Variants in DIAPH3 observed in about 807,000 individuals in gnomAD.
DIAPH3 encodes protein diaphanous homolog 3.
In DIAPH3, 117 loss-of-function variants were observed where a neutral mutation model predicts 144.3. That is an observed-to-expected ratio of 0.81 (90% CI 0.70 to 0.95). DIAPH3 has a LOEUF of 0.95. DIAPH3 is among the 40% of genes least tolerant of loss of function. DIAPH3 has a pLI of 0.00. For missense variants in DIAPH3, 1,421 were observed against 1,412.7 expected (o/e 1.01, Z -0.09); for synonymous variants, 519 against 488.9 (o/e 1.06, Z -0.81).
chr13:59,725,111 T>G (rs145754614), intron 27 of DIAPH3, among the ~76,000 whole-genome samples: 33 of 152,356 alleles, frequency 2.2e-4, no homozygotes, highest in African/African-American at 6.7e-4. Context: ...ATTTGCAGCA[T>G]AGCTAAGTTT....
intron 4 of DIAPH3, among the ~76,000 whole-genome samples, chr13:60,084,059 T>A (rs373133498): frequency 8.3e-4 from 121 of 145,634 alleles, no homozygotes; most frequent in Middle Eastern, 3.6e-3. Flanking sequence ...GATAGATAGA[T>A]AGAAAGAATA....
chr13:59,932,337 T>C (rs1047533664), intron 17 of DIAPH3, among the ~76,000 whole-genome samples: 5 of 152,250 alleles, frequency 3.3e-5, no homozygotes, highest in African/African-American at 1.2e-4. Context: ...CTGAAGGCTT[T>C]CTGTTTCCGT....
chr13:60,094,182 C>T (rs1193300241), intron 3 of DIAPH3, among the ~76,000 whole-genome samples: 1 of 152,178 alleles, frequency 6.6e-6, no homozygotes, highest in African/African-American at 2.4e-5. Flanking sequence ...CTGATAGCCA[C>T]ATCAAATATC....
intron 23 of DIAPH3, 112 bp downstream of exon 23, chr13:59,839,212 G>T: frequency 7.4e-7 from 1 of 1,344,554 alleles, no homozygotes. Flanking sequence ...TAAACTTTCT[G>T]TAATTTGGCA....
intron 22 of DIAPH3, among the ~76,000 whole-genome samples, chr13:59,839,774 A>G (rs1234277415): frequency 1.3e-5 from 2 of 152,184 alleles, no homozygotes; most frequent in Non-Finnish European, 2.9e-5. Flanking sequence ...CAAAAAGAAA[A>G]CATTTTTTAA....
At chr13:59,696,243 G>A (rs533066012) in intron 27 of DIAPH3, 36 of 152,252 alleles carry the variant, frequency 2.4e-4, no homozygotes, top group African/African-American at 7.7e-4. Context: ...TCACTTTTTA[G>A]AAATAGCTCA....
chr13:60,094,518 G>T (rs1259504295), intron 3 of DIAPH3, among the ~76,000 whole-genome samples: 2 of 152,150 alleles, frequency 1.3e-5, no homozygotes, highest in Non-Finnish European at 2.9e-5. Flanking sequence ...AGACAGAAAT[G>T]GCTAAAGGAG....
At chr13:59,782,137 G>GA (rs200761589) in intron 25 of DIAPH3, among the ~76,000 whole-genome samples, 3,223 of 149,234 alleles carry the variant, frequency 0.022, 79 homozygotes, top group East Asian at 0.12. Context: ...TTGGGGTAAA[G>GA]AAAAAAAAAC....
chr13:59,941,566 T>C (rs1259153954), intron 17 of DIAPH3, among the ~76,000 whole-genome samples: 1 of 152,130 alleles, frequency 6.6e-6, no homozygotes, highest in Non-Finnish European at 1.5e-5. Context: ...CCTCTACCAA[T>C]ATGGGGCAAG....
intron 17 of DIAPH3, among the ~76,000 whole-genome samples, chr13:59,959,858 A>G (rs1224663795): frequency 6.6e-6 from 1 of 152,216 alleles, no homozygotes. Context: ...TACAAAGGCC[A>G]TTTGTGAGCA....
At chr13:60,024,019 C>A (rs1277546096) in intron 5 of DIAPH3, among the ~76,000 whole-genome samples, 4 of 151,490 alleles carry the variant, frequency 2.6e-5, no homozygotes, top group Admixed American at 6.6e-5. Context: ...CCACGCCCAG[C>A]TAATTTTGTA....
intron 27 of DIAPH3, among the ~76,000 whole-genome samples, chr13:59,727,493 ATT>A (rs1243391964): frequency 6.6e-6 from 1 of 152,284 alleles, no homozygotes; most frequent in African/African-American, 2.4e-5. Flanking sequence ...CACCTCTGCC[ATT>A]TACTAGCTAT....
chr13:59,738,393 C>G (rs774749230), intron 27 of DIAPH3, among the ~76,000 whole-genome samples: 4 of 151,994 alleles, frequency 2.6e-5, no homozygotes, highest in Non-Finnish European at 5.9e-5. Context: ...AAAAGCTCAG[C>G]AGAGGAGCCT....
chr13:60,148,917 C>A (rs1050828170), intron 1 of DIAPH3, among the ~76,000 whole-genome samples: 19 of 152,292 alleles, frequency 1.2e-4, no homozygotes, highest in African/African-American at 4.6e-4. Flanking sequence ...TGAATATAAA[C>A]CTCTTGAAAT....
chr13:59,903,744 A>G (rs946774237), intron 20 of DIAPH3, among the ~76,000 whole-genome samples: 3 of 152,192 alleles, frequency 2.0e-5, no homozygotes, highest in Non-Finnish European at 4.4e-5. Context: ...AATACTCAAA[A>G]TGATTTTTAA....
At chr13:59,844,215 C>T (rs892896019) in intron 22 of DIAPH3, among the ~76,000 whole-genome samples, 4 of 151,344 alleles carry the variant, frequency 2.6e-5, no homozygotes, top group Admixed American at 1.3e-4. Context: ...CCACATTTTT[C>T]ACATGTATCA....
intron 21 of DIAPH3, among the ~76,000 whole-genome samples, chr13:59,866,587 G>T (rs1236514529): frequency 6.6e-6 from 1 of 151,952 alleles, no homozygotes; most frequent in Non-Finnish European, 1.5e-5. Context: ...ACATTCTATT[G>T]TTTTATCTGT....
intron 1 of DIAPH3, among the ~76,000 whole-genome samples, chr13:60,153,001 T>A (rs1329261190): frequency 1.3e-5 from 2 of 152,130 alleles, no homozygotes; most frequent in African/African-American, 2.4e-5. Context: ...TTCAAGATTA[T>A]CTTAAACATT....
intron 21 of DIAPH3, among the ~76,000 whole-genome samples, chr13:59,876,284 T>G (rs2044624285): frequency 6.6e-6 from 1 of 152,172 alleles, no homozygotes; most frequent in South Asian, 2.1e-4. Context: ...GCTTTCAACT[T>G]GACATGTAGG....
Sources: gnomAD v4.1 joint callset for allele counts (sites outside exome capture counted in the v4.1 genomes callset) on GRCh38, gnomAD v4.1.1 for gene constraint, MANE v1.5 for transcripts, NCBI Gene and HGNC (gene_info 2026-07-23, HGNC 2026-07-21) for gene names.